The following GRIK4 variants were observed in gnomAD, a reference collection of about 807,000 sequenced individuals.
The protein encoded by GRIK4 is glutamate receptor ionotropic, kainate 4.
Under a neutral mutation model 104.9 loss-of-function variants are expected in GRIK4, and 40 were observed. The observed-to-expected ratio is 0.38, with a 90% CI of 0.30 to 0.50. The LOEUF (loss-of-function observed/expected upper bound fraction) is 0.50. Among genes scored for constraint, GRIK4 ranks in the 20% least tolerant of loss-of-function variants. The pLI, the probability that GRIK4 is intolerant of heterozygous loss-of-function variation, is 0.93. For synonymous variants in GRIK4, 485 were observed against 524.9 expected (o/e 0.92, Z 1.04); for missense variants, 1,047 against 1,308.1 (o/e 0.80, Z 3.08).
chr11:120,754,112 C>G (rs1204602119), intron 3 of GRIK4, among the ~76,000 whole-genome samples: 1 of 152,160 alleles, frequency 6.6e-6, no homozygotes, highest in Admixed American at 6.5e-5. Context: ...CTCATTGCAA[C>G]CTCCACTTCC....
intron 11 of GRIK4, among the ~76,000 whole-genome samples, chr11:120,876,206 C>CCAT (rs1002488387): frequency 6.7e-6 from 1 of 148,196 alleles, no homozygotes; most frequent in Non-Finnish European, 1.5e-5. Context: ...ACAACCACCA[C>CCAT]CATCATCATC....
intron 8 of GRIK4, among the ~76,000 whole-genome samples, chr11:120,861,384 G>A (rs1040616787): frequency 2.6e-5 from 4 of 152,018 alleles, no homozygotes; most frequent in African/African-American, 7.2e-5. Context: ...CTGGGATTAT[G>A]AGCGTGAGCC....
intron 8 of GRIK4, among the ~76,000 whole-genome samples, chr11:120,847,907 C>T (rs1247928607): frequency 6.6e-6 from 1 of 152,306 alleles, no homozygotes; most frequent in East Asian, 1.9e-4. Context: ...GGGAATGGGC[C>T]CTACTGGCCT....
chr11:120,660,260 C>A lies in GRIK4; in HGVS notation c.-50-9C>A. 7.8e-7 allele frequency: 1 copy of A among 1,278,612 alleles called. No individual in the cohort carries two copies. Among genetic ancestry groups the A allele is most frequent in the Non-Finnish European group, 1.1e-6 (1 of 880,452 alleles). 79.2% of individuals were successfully genotyped at this position (1,278,612 alleles called of 1,614,324 possible). On this transcript the variant is annotated splice_polypyrimidine_tract_variant and intron_variant, in intron 2 of 20. Coordinates refer to ENST00000527524, the MANE Select transcript of GRIK4 (RefSeq NM_014619.5). ...GGGACTCACGTGCCCCCAACCCCCTCTCTCGCAGAGTTATGTCATGCCCAG... is the reference window on the plus strand; with the variant it reads ...GGGACTCACGTGCCCCCAACCCCCTATCTCGCAGAGTTATGTCATGCCCAG...
chr11:120,960,748 ACAT>A (rs1944269946), intron 16 of GRIK4, among the ~76,000 whole-genome samples, 158 bp from the exon 17 acceptor site: 1 of 152,260 alleles, frequency 6.6e-6, no homozygotes, highest in African/African-American at 2.4e-5. Context: ...ATTTCTGTTG[ACAT>A]CATATGCCCT....
At chr11:120,911,064 G>T (rs965277325) in intron 13 of GRIK4, among the ~76,000 whole-genome samples, 14 of 152,210 alleles carry the variant, frequency 9.2e-5, no homozygotes, top group African/African-American at 3.4e-4. Context: ...AGGGAGTGTG[G>T]CCCCGTGGGC....
chr11:120,525,128 G>A (rs1947842698), intron 1 of GRIK4, among the ~76,000 whole-genome samples: 1 of 152,158 alleles, frequency 6.6e-6, no homozygotes, highest in Admixed American at 6.5e-5. Context: ...AAGGGGCACT[G>A]GACTCCCTGG....
At chr11:120,871,805 G>A (rs1565406059) in intron 9 of GRIK4, 6 of 456,110 alleles carry the variant, frequency 1.3e-5, no homozygotes, top group South Asian at 9.3e-5. Context: ...AGAGAGGGAG[G>A]GAGAGAGAGA....
intron 4 of GRIK4, among the ~76,000 whole-genome samples, chr11:120,805,637 T>C (rs1199571838): frequency 6.6e-6 from 1 of 152,200 alleles, no homozygotes; most frequent in African/African-American, 2.4e-5. Flanking sequence ...CTTCTGGATC[T>C]TCCCACTCCA....
At chr11:120,645,577 C>T (rs1949532204) in intron 1 of GRIK4, among the ~76,000 whole-genome samples, 1 of 152,152 alleles carries the variant, frequency 6.6e-6, no homozygotes, top group Non-Finnish European at 1.5e-5. Context: ...GATGGGACTT[C>T]AATGCCAGAA....
Position 120,967,120 on chromosome 11 carries a change from C to G in GRIK4, c.2267-75C>G. 1 of 1,504,392 alleles carries G rather than the reference C, an allele frequency of 6.6e-7. No individual in the cohort carries two copies. Among genetic ancestry groups the G allele is most frequent in the Non-Finnish European group, 9.0e-7 (1 of 1,110,236 alleles). 93.2% of individuals were successfully genotyped at this position (1,504,392 alleles called of 1,614,324 possible). A position where few individuals can be genotyped will look rare whatever the true frequency, so the allele number is the denominator to read the frequency against. ...GCAGGCAGGGTGGCCAGGAGGTGTG[C>G]CGGGAAGGGGAGCAGAGTGACACCT... On this transcript the variant is annotated intron_variant, in intron 18 of 20. Coordinates refer to ENST00000527524, the MANE Select transcript of GRIK4 (RefSeq NM_014619.5). This position sits in a 1 kb window ranked among gnomAD's most constrained non-coding sequence, Gnocchi z 4.2.
intron 11 of GRIK4, among the ~76,000 whole-genome samples, chr11:120,876,464 TATC>T: frequency 1.3e-5 from 1 of 75,136 alleles, no homozygotes; most frequent in East Asian, 4.1e-4. Flanking sequence ...TTGTCATCAT[TATC>T]ATCACCACCA....
At chr11:120,626,487 C>G (rs1330829937) in intron 1 of GRIK4, among the ~76,000 whole-genome samples, 1 of 152,160 alleles carries the variant, frequency 6.6e-6, no homozygotes, top group Non-Finnish European at 1.5e-5. Flanking sequence ...GTGAACTCTT[C>G]AAGAGGTTGT....
In GRIK4 at chr11:120,549,271, GTA is replaced by G. The variant is rs1413884410; in HGVS notation, c.-159+37390_-159+37391del. Among the ~76,000 whole-genome samples, 2 of 150,386 alleles carry G rather than the reference GTA, an allele frequency of 1.3e-5. No homozygotes were observed. The highest frequency in any genetic ancestry group is 2.9e-5 in the Non-Finnish European group (2 of 67,878). On this transcript the variant is annotated intron_variant, in intron 1 of 20. Coordinates refer to ENST00000527524, the MANE Select transcript of GRIK4 (RefSeq NM_014619.5). This position sits in a 1 kb window ranked among gnomAD's most constrained non-coding sequence, Gnocchi z 4.7. ...ACGCCACTACACCTGGCTAATTTTT[GTA>G]TATATTTTTTTTTAAGTAAAGTCGG...
intron 1 of GRIK4, among the ~76,000 whole-genome samples, chr11:120,589,638 G>T (rs916520849): frequency 6.6e-6 from 1 of 152,088 alleles, no homozygotes; most frequent in Non-Finnish European, 1.5e-5. Flanking sequence ...CATTCCTTTT[G>T]CATTCCTTGG....
intron 12 of GRIK4, among the ~76,000 whole-genome samples, chr11:120,899,826 T>C (rs978654013): frequency 2.0e-5 from 3 of 152,202 alleles, no homozygotes; most frequent in African/African-American, 7.2e-5. Flanking sequence ...GGAACCTCAA[T>C]GATATCATTG....
intron 1 of GRIK4, among the ~76,000 whole-genome samples, chr11:120,649,933 G>A (rs1949596207): frequency 6.6e-6 from 1 of 152,220 alleles, no homozygotes; most frequent in Non-Finnish European, 1.5e-5. Flanking sequence ...CTTCAGAACT[G>A]AGCTGTTTTG....
intron 1 of GRIK4, among the ~76,000 whole-genome samples, chr11:120,514,752 A>T (rs541614528): frequency 1.3e-5 from 2 of 152,272 alleles, no homozygotes; most frequent in South Asian, 2.1e-4. Context: ...TCCCCCAGGC[A>T]TGCAGCCGGG....
intron 1 of GRIK4, among the ~76,000 whole-genome samples, chr11:120,569,651 G>A (rs4310631): frequency 3.3e-5 from 5 of 152,028 alleles, no homozygotes; most frequent in Non-Finnish European, 7.4e-5. Flanking sequence ...TGCGTAGAGT[G>A]ACTTTGGGGA....
Sources: allele counts gnomAD v4.1 joint callset (sites outside exome capture counted in the v4.1 genomes callset), GRCh38; gene constraint gnomAD v4.1.1; non-coding constraint Gnocchi (gnomAD v3.1); transcripts MANE v1.5; gene names NCBI Gene and HGNC (gene_info 2026-07-23, HGNC 2026-07-21).